DLG2: variants seen among roughly 807,000 people sequenced by gnomAD.
DLG2 encodes the protein disks large homolog 2.
A neutral mutation model predicts 132.5 loss-of-function variants in DLG2; 45 were observed. The ratio of observed to expected loss-of-function variants is 0.34; its 90% CI spans 0.27 to 0.44. DLG2 has a LOEUF of 0.44. DLG2 is among the 20% of genes least tolerant of loss of function. The pLI is 1.00. For synonymous variants in DLG2, 424 were observed against 419.6 expected (o/e 1.01, Z -0.13); for missense variants, 1,045 against 1,196.9 (o/e 0.87, Z 1.87).
intron 11 of DLG2, among the ~76,000 whole-genome samples, chr11:83,983,590 C>A (rs76705955): frequency 2.6e-5 from 4 of 151,846 alleles, no homozygotes; most frequent in Admixed American, 2.6e-4. Context: ...ATGCAATGAT[C>A]GTTAAATTAA....
At chr11:85,571,430 A>C (rs2077837728) in intron 3 of DLG2, among the ~76,000 whole-genome samples, 1 of 152,070 alleles carries the variant, frequency 6.6e-6, no homozygotes, top group Non-Finnish European at 1.5e-5. Flanking sequence ...ACCATTAGAA[A>C]CCACAAATCC....
rs554283265 is a variant in DLG2 at position 83,675,283 on chromosome 11, C to T, written c.1826-41958G>A. On this transcript the variant is annotated intron_variant, in intron 18 of 27. Transcript: ENST00000376104. ...GTCTAATTTTTCTTTGAAGCATTGACATTTTGTTAACAAATATTTTACTCT... is the reference window on the plus strand; with the variant it reads ...GTCTAATTTTTCTTTGAAGCATTGATATTTTGTTAACAAATATTTTACTCT... 5.3e-5 allele frequency among the ~76,000 whole-genome samples: 8 copies of T among 152,304 alleles called. No individual in the cohort carries two copies. The South Asian group carries it at 1.7e-3, about 32-fold the overall frequency.
At chr11:84,049,972 A>G (rs1487225723) in intron 11 of DLG2, among the ~76,000 whole-genome samples, 1 of 151,752 alleles carries the variant, frequency 6.6e-6, no homozygotes, top group Non-Finnish European at 1.5e-5. Context: ...ACAAAGGCTT[A>G]GAGGAAGGAA....
intron 6 of DLG2, among the ~76,000 whole-genome samples, chr11:84,648,177 T>C (rs2099677181): frequency 1.3e-5 from 2 of 152,164 alleles, no homozygotes; most frequent in African/African-American, 4.8e-5. Flanking sequence ...CACTTGAGAA[T>C]AGAGGTCATT....
At chr11:84,220,162 A>T (rs1422718290) in intron 8 of DLG2, among the ~76,000 whole-genome samples, 4 of 152,134 alleles carry the variant, frequency 2.6e-5, no homozygotes, top group Non-Finnish European at 4.4e-5. Flanking sequence ...TCATTCCACA[A>T]ATATTCATTA....
At chr11:85,017,935 C>A (rs1048214432) in intron 6 of DLG2, among the ~76,000 whole-genome samples, 1 of 151,240 alleles carries the variant, frequency 6.6e-6, no homozygotes, top group Admixed American at 6.6e-5. Context: ...GAAGAAAAAA[C>A]CACATAAGGA....
chr11:83,658,791 C>G (rs149088268), intron 18 of DLG2, among the ~76,000 whole-genome samples: 1 of 152,334 alleles, frequency 6.6e-6, no homozygotes, highest in African/African-American at 2.4e-5. Context: ...TACCACTTCT[C>G]TAGTGGTTTC....
intron 6 of DLG2, among the ~76,000 whole-genome samples, chr11:84,592,715 A>C (rs1190490405): frequency 1.3e-5 from 2 of 151,924 alleles, no homozygotes; most frequent in Non-Finnish European, 2.9e-5. Flanking sequence ...ACATGAAAAA[A>C]AGCTCATCAT....
At chr11:83,977,630 C>T (rs1262080239) in intron 12 of DLG2, among the ~76,000 whole-genome samples, 4 of 151,958 alleles carry the variant, frequency 2.6e-5, no homozygotes, top group African/African-American at 4.8e-5. Flanking sequence ...AACCTTTGTC[C>T]GCCTTTCTAG....
chr11:84,761,884 C>G (rs2067676210), intron 6 of DLG2, among the ~76,000 whole-genome samples: 1 of 152,092 alleles, frequency 6.6e-6, no homozygotes, highest in South Asian at 2.1e-4. Flanking sequence ...CGTTCTGTCC[C>G]TCTAGAAAAC....
At chr11:83,989,490 T>G (rs968924520) in intron 11 of DLG2, among the ~76,000 whole-genome samples, 1 of 152,200 alleles carries the variant, frequency 6.6e-6, no homozygotes, top group African/African-American at 2.4e-5. Context: ...AGTTCTATAT[T>G]GCTACCAGCA....
At chr11:84,523,836 T>C (rs1270539631) in intron 7 of DLG2, among the ~76,000 whole-genome samples, 1 of 152,192 alleles carries the variant, frequency 6.6e-6, no homozygotes, top group African/African-American at 2.4e-5. Context: ...TATCTAGAAT[T>C]TTCTATAAAC....
chr11:83,738,128 C>G (rs990526319), intron 18 of DLG2, among the ~76,000 whole-genome samples: 46 of 152,184 alleles, frequency 3.0e-4, no homozygotes, highest in African/African-American at 1.1e-3. Flanking sequence ...AGGTTTAGAA[C>G]AAGTTCAGAT....
At position 85,440,844 on chromosome 11, in the gene DLG2, A is replaced by C. The variant is rs759887125; in HGVS notation, c.41-155479T>G. 8.5e-5 allele frequency among the ~76,000 whole-genome samples: 13 copies of C among 152,252 alleles called. No homozygotes were observed. The East Asian group carries it at 1.5e-3, about 18-fold the overall frequency. The stretch of plus-strand genomic sequence containing the variant: ...GGCTCTGGTGTTATAAATTCCATGA[A>C]ACATGGGGCCTAGGCAACCCTATGA... On this transcript the variant is annotated intron_variant, in intron 3 of 27. Coordinates refer to ENST00000376104, the MANE Select transcript of DLG2 (RefSeq NM_001142699.3).
At chr11:83,806,555 T>C (rs769699565) in intron 17 of DLG2, among the ~76,000 whole-genome samples, 2 of 152,190 alleles carry the variant, frequency 1.3e-5, no homozygotes, top group African/African-American at 2.4e-5. Flanking sequence ...TGTTCTGTGA[T>C]TTGCTTTCTT....
chr11:85,308,822 T>C (rs1420271315), intron 3 of DLG2, among the ~76,000 whole-genome samples: 2 of 152,218 alleles, frequency 1.3e-5, no homozygotes, highest in Non-Finnish European at 2.9e-5. Flanking sequence ...ATTCCTTATA[T>C]GGCAGACTAT....
chr11:84,868,181 T>C (rs950565986), intron 6 of DLG2, among the ~76,000 whole-genome samples: 1 of 148,788 alleles, frequency 6.7e-6, no homozygotes, highest in African/African-American at 2.4e-5. Context: ...ATTATTATTG[T>C]TATGGAAGCA....
chr11:84,062,520 A>T (rs1566292278), intron 10 of DLG2, among the ~76,000 whole-genome samples: 1 of 152,220 alleles, frequency 6.6e-6, no homozygotes, highest in Non-Finnish European at 1.5e-5. Flanking sequence ...TTAAACTTTT[A>T]AAGGACATAC....
chr11:85,000,856 G>A (rs2058143975), intron 6 of DLG2, among the ~76,000 whole-genome samples: 1 of 152,012 alleles, frequency 6.6e-6, no homozygotes, highest in South Asian at 2.1e-4. Flanking sequence ...TCTCATCTGA[G>A]AACACAGCCT....
Sources: allele counts gnomAD v4.1 joint callset (sites outside exome capture counted in the v4.1 genomes callset), GRCh38; gene constraint gnomAD v4.1.1; transcripts MANE v1.5; gene names NCBI Gene and HGNC (gene_info 2026-07-23, HGNC 2026-07-21).